Variants in CRYBG3 observed in about 807,000 individuals in gnomAD.
The protein encoded by CRYBG3 is crystallin beta-gamma domain containing 3.
A neutral mutation model predicts 244.2 loss-of-function variants in CRYBG3; 127 were observed. That is an observed-to-expected ratio of 0.52 (90% CI 0.45 to 0.60). CRYBG3 has a LOEUF of 0.60. Ranked by LOEUF, CRYBG3 falls within the 20% of genes least tolerant of loss-of-function variation. The pLI is 0.00. For missense variants in CRYBG3, 3,325 were observed against 3,442.5 expected, an observed-to-expected ratio of 0.97 and a Z score of 0.85; for synonymous variants, 1,132 against 1,195.8, an observed-to-expected ratio of 0.95 and a Z score of 1.10.
intron 19 of CRYBG3, among the ~76,000 whole-genome samples, chr3:97,940,254 C>G (rs775214612): frequency 1.3e-5 from 2 of 151,930 alleles, no homozygotes; most frequent in East Asian, 3.9e-4. Context: ...CTTTGGAATT[C>G]GTCTCTTATT....
In CRYBG3 at chr3:97,877,661, C is replaced by T. The variant is rs1325650042; in HGVS notation, c.6467C>T (p.Ala2156Val). 5 of 1,613,930 alleles carry T rather than the reference C, an allele frequency of 3.1e-6. No homozygotes were observed. In the Admixed American group the frequency reaches 8.3e-5, roughly 27 times the overall value. Residue 2156 changes from alanine (A) to valine (V), a missense_variant, in exon 4 of 22, where the codon GCA (alanine) becomes GTA (valine). Transcript: ENST00000389622. The stretch of plus-strand genomic sequence containing the variant: ...GAGGAAGAAGAGGAGGAGGAGGCAG[C>T]AGTATTGCATAAAGGAGATCTGAGA... Reference protein sequence around the residue: ...ADEEEEEEEAAVLHKGDLRAG... With the variant: ...ADEEEEEEEAVVLHKGDLRAG...
At chr3:97,910,794 T>C (rs945708806) in intron 15 of CRYBG3, among the ~76,000 whole-genome samples, 5 of 152,248 alleles carry the variant, frequency 3.3e-5, no homozygotes, top group African/African-American at 1.2e-4. Flanking sequence ...TTTTTAAAGA[T>C]ATTTCTATGC....
intron 2 of CRYBG3, among the ~76,000 whole-genome samples, chr3:97,862,885 A>G (rs966671063): frequency 1.3e-5 from 2 of 152,204 alleles, no homozygotes; most frequent in African/African-American, 4.8e-5. Context: ...CACCTGTGGG[A>G]ACAAATTTAA....
At chr3:97,892,428 A>G (rs891306330) in intron 10 of CRYBG3, among the ~76,000 whole-genome samples, 1 of 152,106 alleles carries the variant, frequency 6.6e-6, no homozygotes, top group Admixed American at 6.6e-5. Context: ...TTCTTAAATG[A>G]GTTACCTATA....
intron 2 of CRYBG3, among the ~76,000 whole-genome samples, chr3:97,863,021 C>A (rs2039172957): frequency 6.6e-6 from 1 of 152,026 alleles, no homozygotes; most frequent in Non-Finnish European, 1.5e-5. Context: ...GAACTTAGAT[C>A]AAAACATGGA....
intron 2 of CRYBG3, among the ~76,000 whole-genome samples, chr3:97,860,615 C>T (rs1401950568): frequency 7.2e-5 from 11 of 152,088 alleles, no homozygotes; most frequent in Admixed American, 6.6e-4. Context: ...CCTGATGTTT[C>T]TGAAGACTAG....
intron 15 of CRYBG3, among the ~76,000 whole-genome samples, chr3:97,908,343 G>A (rs1238620769): frequency 2.0e-5 from 3 of 152,086 alleles, no homozygotes; most frequent in Non-Finnish European, 2.9e-5. Context: ...TGTTGACAGT[G>A]GGGTGTTAAA....
rs572421139 is a variant in CRYBG3 at position 97,901,017 on chromosome 3, G to C, written c.8004+532G>C. Among the ~76,000 whole-genome samples the C allele has an allele frequency of 2.6e-5, 4 of 152,278 alleles. No homozygotes were observed. In the East Asian group the frequency reaches 7.7e-4, roughly 29 times the overall value. The stretch of plus-strand genomic sequence containing the variant: ...TATTTTCTATTGAGGGCTAGAAATT[G>C]TGCCTATTTAACACTTCTAATTCAG... On this transcript the variant is annotated intron_variant, in intron 15 of 21. Transcript: ENST00000389622.
At chr3:97,846,425 T>TC (rs2038902030) in intron 2 of CRYBG3, among the ~76,000 whole-genome samples, 1 of 152,226 alleles carries the variant, frequency 6.6e-6, no homozygotes, top group African/African-American at 2.4e-5. Flanking sequence ...TTACGTGACA[T>TC]CCATCTAGAG....
chr3:97,858,616 G>A (rs1011684618), intron 2 of CRYBG3, among the ~76,000 whole-genome samples: 1 of 151,814 alleles, frequency 6.6e-6, no homozygotes, highest in Admixed American at 6.6e-5. Context: ...ACTTTCCATT[G>A]TATAGTTTAT....
chr3:97,870,753 T>C (rs1428658850), intron 3 of CRYBG3, among the ~76,000 whole-genome samples: 2 of 152,172 alleles, frequency 1.3e-5, no homozygotes, highest in Non-Finnish European at 2.9e-5. Flanking sequence ...CATTAATTCA[T>C]GAGAAGGTAT....
intron 10 of CRYBG3, among the ~76,000 whole-genome samples, chr3:97,892,434 C>G (rs2039590227): frequency 6.6e-6 from 1 of 152,034 alleles, no homozygotes; most frequent in South Asian, 2.1e-4. Context: ...AATGAGTTAC[C>G]TATATGTAAA....
chr3:97,895,377 GTATT>G (rs1315815195), intron 11 of CRYBG3, among the ~76,000 whole-genome samples: 8 of 152,306 alleles, frequency 5.3e-5, no homozygotes, highest in Non-Finnish European at 1.2e-4. Flanking sequence ...CCACCTGTAA[GTATT>G]TACAGATGTC....
intron 17 of CRYBG3, 173 bp from the exon 18 acceptor site, chr3:97,933,521 A>T (rs1424519174): frequency 1.4e-6 from 1 of 733,390 alleles, no homozygotes; most frequent in Non-Finnish European, 2.4e-6. Context: ...AACAAAAATT[A>T]TTAATAAAAT....
At chr3:97,941,076 C>T in intron 19 of CRYBG3, 72 bp from the exon 20 acceptor site, 1 of 1,316,642 alleles carries the variant, frequency 7.6e-7, no homozygotes, top group East Asian at 2.4e-5. Context: ...TCCCTCCCAG[C>T]TTTCCTCCTC....
chr3:97,898,251 C>A (rs2108238375), intron 12 of CRYBG3, among the ~76,000 whole-genome samples: 1 of 149,608 alleles, frequency 6.7e-6, no homozygotes, highest in South Asian at 2.1e-4. Context: ...AAAGTTTTAT[C>A]TAATTGTTTT....
intron 1 of CRYBG3, among the ~76,000 whole-genome samples, chr3:97,825,815 C>T (rs2038569791): frequency 6.6e-6 from 1 of 152,174 alleles, no homozygotes; most frequent in South Asian, 2.1e-4. Flanking sequence ...GTACTCTGTA[C>T]TGTCAGAAAT....
At chr3:97,860,254 T>A (rs1050959493) in intron 2 of CRYBG3, among the ~76,000 whole-genome samples, 8 of 152,186 alleles carry the variant, frequency 5.3e-5, no homozygotes, top group African/African-American at 1.9e-4. Flanking sequence ...TTATCAGGCA[T>A]GTTTCAAGGT....
At chr3:97,870,270 G>A (rs1014128008) in intron 3 of CRYBG3, among the ~76,000 whole-genome samples, 2 of 152,104 alleles carry the variant, frequency 1.3e-5, no homozygotes, top group Non-Finnish European at 2.9e-5. Context: ...CTGACAGGTA[G>A]TATTTTAGTC....
Sources: gnomAD v4.1 joint callset for allele counts (sites outside exome capture counted in the v4.1 genomes callset) on GRCh38, gnomAD v4.1.1 for gene constraint, MANE v1.5 for transcripts, NCBI Gene and HGNC (gene_info 2026-07-23, HGNC 2026-07-21) for gene names.